The following TMEM132D variants were observed in gnomAD, a reference collection of about 807,000 sequenced individuals.
TMEM132D encodes mature OL transmembrane protein.
Under a neutral mutation model 62.3 loss-of-function variants are expected in TMEM132D, and 21 were observed. The ratio of observed to expected loss-of-function variants is 0.34; its 90% CI spans 0.24 to 0.49. The LOEUF (loss-of-function observed/expected upper bound fraction) is 0.49. TMEM132D is among the 20% of genes least tolerant of loss of function. The pLI is 0.99. For synonymous variants in TMEM132D, 621 were observed against 575.6 expected (o/e 1.08, Z -1.13); for missense variants, 1,346 against 1,402.8 (o/e 0.96, Z 0.65).
intron 4 of TMEM132D, among the ~76,000 whole-genome samples, chr12:129,238,781 A>G (rs1436408756): frequency 6.6e-6 from 1 of 152,238 alleles, no homozygotes; most frequent in Non-Finnish European, 1.5e-5. Context: ...TAAAGCTGCT[A>G]TGAACATGGG....
intron 4 of TMEM132D, among the ~76,000 whole-genome samples, chr12:129,320,351 G>A (rs1174925346): frequency 6.6e-6 from 1 of 152,178 alleles, no homozygotes; most frequent in African/African-American, 2.4e-5. Flanking sequence ...GTGCAGAGTA[G>A]CTACAGAATA....
At chr12:129,315,143 C>G (rs1480127941) in intron 4 of TMEM132D, among the ~76,000 whole-genome samples, 1 of 152,094 alleles carries the variant, frequency 6.6e-6, no homozygotes, top group African/African-American at 2.4e-5. Context: ...ATTTCTTTCT[C>G]TTGTCTGATT....
chr12:129,822,414 C>T (rs534087903), intron 1 of TMEM132D, among the ~76,000 whole-genome samples: 36 of 152,164 alleles, frequency 2.4e-4, no homozygotes, highest in Non-Finnish European at 4.1e-4. Flanking sequence ...CAGGGCAAGC[C>T]AGGCTCAAGC....
rs1872762597 is a variant in TMEM132D, at chr12:129,829,423, A to G, written c.79+73838T>C. Among the ~76,000 whole-genome samples, 4 of 152,112 alleles carry G rather than the reference A, an allele frequency of 2.6e-5. No individual in the cohort carries two copies. In the South Asian group the frequency reaches 6.2e-4, roughly 24 times the overall value. ...CTACTGAGTACAGCACAATTTTTCC[A>G]TGACAAATGTGCTTTTATGGGATTG... On this transcript the variant is annotated intron_variant, in intron 1 of 8. Coordinates refer to ENST00000422113, the MANE Select transcript of TMEM132D (RefSeq NM_133448.3).
At position 129,692,246 on chromosome 12, in the gene TMEM132D, A is replaced by C. The variant is rs542742282; in HGVS notation, c.968+7564T>G. 2.6e-5 allele frequency among the ~76,000 whole-genome samples: 4 copies of C among 152,332 alleles called. No homozygotes were observed. The East Asian group carries it at 7.7e-4, about 29-fold the overall frequency. Reference sequence around the variant, plus strand: ...AGAATTACACACCACACTCAAGTGGAGTTTATTCCAGGTATACAAGGCTGA... The same window carrying C: ...AGAATTACACACCACACTCAAGTGGCGTTTATTCCAGGTATACAAGGCTGA... On this transcript the variant is annotated intron_variant, in intron 2 of 8. Coordinates refer to ENST00000422113, the MANE Select transcript of TMEM132D (RefSeq NM_133448.3).
chr12:129,787,554 G>C (rs1871278843), intron 1 of TMEM132D, among the ~76,000 whole-genome samples: 2 of 152,294 alleles, frequency 1.3e-5, no homozygotes, highest in East Asian at 3.9e-4. Context: ...AGAAATAATA[G>C]TTAATTCTCT....
chr12:129,595,371 G>C (rs775801396), intron 2 of TMEM132D, among the ~76,000 whole-genome samples: 5 of 152,190 alleles, frequency 3.3e-5, no homozygotes, highest in South Asian at 4.1e-4. Context: ...TTAGGATAAG[G>C]ATTACTTCTG....
chr12:129,324,966 G>A (rs1439874327), intron 4 of TMEM132D, among the ~76,000 whole-genome samples: 3 of 152,182 alleles, frequency 2.0e-5, no homozygotes, highest in Non-Finnish European at 2.9e-5. Context: ...CCCGTGCTAC[G>A]TGTTTGACTT....
intron 2 of TMEM132D, among the ~76,000 whole-genome samples, chr12:129,563,770 C>T (rs1315926760): frequency 1.3e-5 from 2 of 151,974 alleles, no homozygotes; most frequent in African/African-American, 4.8e-5. Flanking sequence ...AGACATTCAA[C>T]CCACAGAGAA....
intron 5 of TMEM132D, among the ~76,000 whole-genome samples, chr12:129,149,687 G>A (rs1309291615): frequency 6.6e-6 from 1 of 152,178 alleles, no homozygotes; most frequent in Non-Finnish European, 1.5e-5. Flanking sequence ...GGGCAATAAC[G>A]GTAGGGCTCC....
chr12:129,633,742 T>C (rs1353467741), intron 2 of TMEM132D, among the ~76,000 whole-genome samples: 1 of 152,164 alleles, frequency 6.6e-6, no homozygotes, highest in Admixed American at 6.5e-5. Context: ...TCCCCGGGCC[T>C]GACAGCTTTC....
At chr12:129,483,730 A>G (rs1474303627) in intron 3 of TMEM132D, among the ~76,000 whole-genome samples, 1 of 152,212 alleles carries the variant, frequency 6.6e-6, no homozygotes, top group Non-Finnish European at 1.5e-5. Context: ...CTTCGTGGTG[A>G]CGCAAATGTC....
chr12:129,813,852 C>G (rs993998258), intron 1 of TMEM132D, among the ~76,000 whole-genome samples: 6 of 151,992 alleles, frequency 3.9e-5, no homozygotes, highest in African/African-American at 1.4e-4. Context: ...ACAAGGGCGT[C>G]AACACAACTA....
rs543588203 is a variant in TMEM132D, at chr12:129,210,717, G to A, written c.1300-1054C>T. ...TCTGCTCACCAGCACCCAGCGCAGAGCTTAGCTACAACGAATGGTGTTAAT... is the reference window on the plus strand; with the variant it reads ...TCTGCTCACCAGCACCCAGCGCAGAACTTAGCTACAACGAATGGTGTTAAT... On this transcript the variant is annotated intron_variant, in intron 4 of 8. Transcript: ENST00000422113. Among the ~76,000 whole-genome samples, 212 of 152,308 alleles carry A rather than the reference G, an allele frequency of 1.4e-3. 1 individual carries two copies. The highest frequency in any genetic ancestry group is 4.9e-3 in the African/African-American group (204 of 41,570).
intron 2 of TMEM132D, among the ~76,000 whole-genome samples, chr12:129,694,377 C>A (rs1881144841): frequency 6.6e-6 from 1 of 152,160 alleles, no homozygotes; most frequent in East Asian, 1.9e-4. Context: ...TGGTCAAAGC[C>A]ACCAAAACCA....
At chr12:129,363,344 G>A (rs1227547519) in intron 3 of TMEM132D, among the ~76,000 whole-genome samples, 2 of 152,226 alleles carry the variant, frequency 1.3e-5, no homozygotes, top group African/African-American at 4.8e-5. Flanking sequence ...ACTGAAATAA[G>A]TGACGAGCAA....
chr12:129,499,780 G>A (rs576617745), intron 3 of TMEM132D, among the ~76,000 whole-genome samples: 1 of 152,330 alleles, frequency 6.6e-6, no homozygotes, highest in East Asian at 1.9e-4. Flanking sequence ...GAGTAAGACC[G>A]TATGAGGCAG....
intron 3 of TMEM132D, among the ~76,000 whole-genome samples, chr12:129,361,037 T>C (rs1204393819): frequency 6.6e-6 from 1 of 152,162 alleles, no homozygotes; most frequent in African/African-American, 2.4e-5. Flanking sequence ...ACCGGGACAC[T>C]TCCACCTGCA....
chr12:129,539,072 C>A (rs906795425), intron 2 of TMEM132D, among the ~76,000 whole-genome samples: 1 of 151,986 alleles, frequency 6.6e-6, no homozygotes, highest in South Asian at 2.1e-4. Context: ...CAGGAAGAGA[C>A]CATGTGGGTG....
Sources: gnomAD v4.1 joint callset for allele counts (sites outside exome capture counted in the v4.1 genomes callset) on GRCh38, gnomAD v4.1.1 for gene constraint, MANE v1.5 for transcripts, NCBI Gene and HGNC (gene_info 2026-07-23, HGNC 2026-07-21) for gene names.